Variants in SPECC1L observed in about 807,000 individuals in gnomAD.
SPECC1L encodes the protein sperm antigen with calponin homology and coiled-coil domains 1 like, also known as cytospin-A.
A neutral mutation model predicts 116.8 loss-of-function variants in SPECC1L; 40 were observed. The ratio of observed to expected loss-of-function variants is 0.34; its 90% CI spans 0.27 to 0.45. The LOEUF (loss-of-function observed/expected upper bound fraction) is 0.45, where lower values mean the gene tolerates loss of function less well. Among genes scored for constraint, SPECC1L ranks in the 20% least tolerant of loss-of-function variants. The pLI is 1.00. For synonymous variants in SPECC1L, 504 were observed against 500.6 expected, an observed-to-expected ratio of 1.01 and a Z score of -0.09; for missense variants, 1,110 against 1,373.6, an observed-to-expected ratio of 0.81 and a Z score of 3.03.
At chr22:24,310,525 T>G (rs888112402) in intron 3 of SPECC1L, among the ~76,000 whole-genome samples, 6 of 152,216 alleles carry the variant, frequency 3.9e-5, no homozygotes, top group African/African-American at 1.4e-4. Context: ...AAGAGCATGT[T>G]TACCAATCTG....
At chr22:24,365,163 A>C (rs559487719) in intron 12 of SPECC1L, among the ~76,000 whole-genome samples, 1 of 152,010 alleles carries the variant, frequency 6.6e-6, no homozygotes, top group Non-Finnish European at 1.5e-5. Context: ...ATGCACCACC[A>C]TGCCTGGCTA....
intron 14 of SPECC1L, among the ~76,000 whole-genome samples, chr22:24,385,269 A>G (rs2042140490): frequency 1.3e-5 from 2 of 152,286 alleles, no homozygotes; most frequent in South Asian, 4.1e-4. Context: ...AGATAAGTAG[A>G]ATATTAATAC....
At chr22:24,339,466 T>C (rs570991154) in intron 10 of SPECC1L, among the ~76,000 whole-genome samples, 1 of 152,344 alleles carries the variant, frequency 6.6e-6, no homozygotes, top group South Asian at 2.1e-4. Flanking sequence ...CATTGTGGAA[T>C]GCAGATGAGA....
intron 4 of SPECC1L, among the ~76,000 whole-genome samples, chr22:24,314,227 T>TA (rs765508520): frequency 3.3e-5 from 5 of 151,876 alleles, no homozygotes; most frequent in Non-Finnish European, 5.9e-5. Context: ...TTTTTTGTAT[T>TA]TTTAGTAGAG....
intron 14 of SPECC1L, among the ~76,000 whole-genome samples, chr22:24,373,308 C>T (rs990780640): frequency 6.6e-6 from 1 of 152,170 alleles, no homozygotes; most frequent in African/African-American, 2.4e-5. Context: ...AAAAGGCCTG[C>T]ATTGCCAAGT....
Position 24,323,031 on chromosome 22 carries a change from T to A in SPECC1L, c.1938+113T>A, listed in dbSNP as rs1018966542. ...GTTTGGTGTGTTATTAGCTTTTTTT[T>A]AAAACTGATATTTTTAAAACTTGGG... On this transcript the variant is annotated intron_variant, in intron 5 of 16. Coordinates refer to ENST00000314328, the MANE Select transcript of SPECC1L (RefSeq NM_015330.6). 3.6e-5 allele frequency: 53 copies of A among 1,454,154 alleles called. No homozygotes were observed. In the Admixed American group the frequency reaches 4.1e-4, roughly 11 times the overall value. 90.1% of individuals were successfully genotyped at this position (1,454,154 alleles called of 1,614,324 possible). A position where few individuals can be genotyped will look rare whatever the true frequency, so the allele number is the denominator to read the frequency against.
intron 2 of SPECC1L, among the ~76,000 whole-genome samples, chr22:24,291,114 A>G (rs899431664): frequency 3.3e-5 from 5 of 152,208 alleles, no homozygotes; most frequent in African/African-American, 1.2e-4. Context: ...GAAGTTTGTG[A>G]AATAAGAGAG....
At chr22:24,334,863 C>G (rs1248464056) in intron 9 of SPECC1L, among the ~76,000 whole-genome samples, 2 of 152,174 alleles carry the variant, frequency 1.3e-5, no homozygotes, top group Non-Finnish European at 2.9e-5. Context: ...TTTTCTATGC[C>G]TGAGAACTTC....
At position 24,368,831 on chromosome 22, in the gene SPECC1L, G is replaced by A. The variant is rs74832568; in HGVS notation, c.2985-387G>A. On this transcript the variant is annotated intron_variant, in intron 13 of 16. Coordinates refer to ENST00000314328, the MANE Select transcript of SPECC1L (RefSeq NM_015330.6). ...CCAGCTAATTTTTATATTTTTATTA[G>A]CAATGAGGTGTCACCATGTTGGCCA... is the stretch of plus-strand genomic sequence containing the variant. Among the ~76,000 whole-genome samples the A allele has an allele frequency of 8.1e-4, 123 of 152,224 alleles. No homozygotes were observed. The East Asian group carries it at 0.023, about 28-fold the overall frequency.
intron 14 of SPECC1L, among the ~76,000 whole-genome samples, chr22:24,379,481 T>C (rs1177241852): frequency 6.6e-6 from 1 of 152,208 alleles, no homozygotes; most frequent in East Asian, 1.9e-4. Context: ...AGTCAGTTAT[T>C]CCATGCCTCT....
chr22:24,321,433 C>G lies in SPECC1L; in HGVS notation c.453C>G (p.Ala151=). 1 of 1,614,206 alleles carries G rather than the reference C, an allele frequency of 6.2e-7. No individual in the cohort carries two copies. Among genetic ancestry groups the G allele is most frequent in the African/African-American group, 1.3e-5 (1 of 75,040 alleles). ...AGQGANDMAL[A]KRSRSRTATE... ...AGGGAGCTAATGACATGGCATTGGC[C>G]AAACGTTCCCGCAGTCGAACTGCTA... Residue 151 remains alanine (A), a synonymous_variant, in exon 5 of 17, where the codon GCC becomes GCG. Transcript: ENST00000314328.
intron 4 of SPECC1L, among the ~76,000 whole-genome samples, chr22:24,320,087 A>C (rs553479253): frequency 2.6e-5 from 4 of 152,328 alleles, no homozygotes; most frequent in African/African-American, 9.6e-5. Context: ...CAGCCTGGCC[A>C]ACATGGTGAA....
rs371688945 is a variant in SPECC1L, at chr22:24,274,467, G to A, written c.-141-2233G>A. ...AGCATCTTGAAATGAAATTAATAATGTAATATCTACTTCTTCAGAATAGTA... is the reference window on the plus strand; with the variant it reads ...AGCATCTTGAAATGAAATTAATAATATAATATCTACTTCTTCAGAATAGTA... On this transcript the variant is annotated intron_variant, in intron 1 of 16. Coordinates refer to ENST00000314328, the MANE Select transcript of SPECC1L (RefSeq NM_015330.6). 1.8e-4 allele frequency among the ~76,000 whole-genome samples: 27 copies of A among 152,336 alleles called. 1 individual carries two copies. The highest frequency in any genetic ancestry group is 1.2e-3 in the Admixed American group (19 of 15,302).
chr22:24,308,772 T>C (rs1433292235), intron 3 of SPECC1L, among the ~76,000 whole-genome samples: 1 of 152,210 alleles, frequency 6.6e-6, no homozygotes, highest in Non-Finnish European at 1.5e-5. Context: ...TCATTCCTTC[T>C]ACATGTGTTA....
chr22:24,274,642 A>T (rs2048795973), intron 1 of SPECC1L, among the ~76,000 whole-genome samples: 1 of 152,210 alleles, frequency 6.6e-6, no homozygotes, highest in African/African-American at 2.4e-5. Flanking sequence ...TCTTTTCCAA[A>T]CATCTTCATT....
chr22:24,338,309 C>T (rs1449752693), intron 9 of SPECC1L, 77 bp from the exon 10 acceptor site: 5 of 1,404,782 alleles, frequency 3.6e-6, no homozygotes, highest in African/African-American at 1.4e-5. Flanking sequence ...GGTAATCAGG[C>T]GAGTCCTTAA....
intron 2 of SPECC1L, among the ~76,000 whole-genome samples, chr22:24,287,689 C>G (rs1304445493): frequency 3.3e-5 from 5 of 152,150 alleles, no homozygotes. Context: ...CCTATTCAGA[C>G]TCCTGCTCTA....
At chr22:24,383,699 C>T (rs1370235572) in intron 14 of SPECC1L, among the ~76,000 whole-genome samples, 1 of 149,330 alleles carries the variant, frequency 6.7e-6, no homozygotes, top group Admixed American at 6.7e-5. Flanking sequence ...TACAATGGTG[C>T]GATCTCGGCT....
chr22:24,368,640 G>T (rs539063137), intron 13 of SPECC1L, among the ~76,000 whole-genome samples: 35 of 152,120 alleles, frequency 2.3e-4, no homozygotes, highest in African/African-American at 8.0e-4. Flanking sequence ...GACATAAACG[G>T]TTATTTTATT....
Sources: allele counts gnomAD v4.1 joint callset (sites outside exome capture counted in the v4.1 genomes callset), GRCh38; gene constraint gnomAD v4.1.1; transcripts MANE v1.5; gene names NCBI Gene and HGNC (gene_info 2026-07-23, HGNC 2026-07-21).